KIF3B: variants seen among roughly 807,000 people sequenced by gnomAD.
KIF3B encodes kinesin-like protein KIF3B.
Under a neutral mutation model 74.3 loss-of-function variants are expected in KIF3B, and 38 were observed. That is an observed-to-expected ratio of 0.51 (90% CI 0.39 to 0.67). The LOEUF (loss-of-function observed/expected upper bound fraction) is 0.67. Ranked by LOEUF, KIF3B falls within the 30% of genes least tolerant of loss-of-function variation. The pLI is 0.00. For missense variants in KIF3B, 649 were observed against 932.0 expected (o/e 0.70, Z 3.95); for synonymous variants, 326 against 342.5 (o/e 0.95, Z 0.53).
Position 32,285,797 on chromosome 20 carries a change from C to T in KIF3B, c.-66+8032C>T, listed in dbSNP as rs546688331. On this transcript the variant is annotated intron_variant, in intron 1 of 8. Coordinates refer to ENST00000375712, the MANE Select transcript of KIF3B (RefSeq NM_004798.4). ...ATACTGAGCTTTCTCCCAGACCTTT[C>T]GGGTGTGGCTTTTAGAGCGTATTTC... Among the ~76,000 whole-genome samples, 16 of 152,224 alleles carry T rather than the reference C, an allele frequency of 1.1e-4. No homozygotes were observed. The South Asian group carries it at 1.5e-3, about 14-fold the overall frequency.
intron 1 of KIF3B, 70 bp from the exon 2 acceptor site, chr20:32,309,643 G>C: frequency 1.1e-6 from 1 of 900,188 alleles, no homozygotes; most frequent in South Asian, 1.8e-5. Flanking sequence ...CTATTTAGGT[G>C]TGTCAGCTTC....
chr20:32,289,197 GTTT>G (rs36069389), intron 1 of KIF3B, among the ~76,000 whole-genome samples: 9 of 126,870 alleles, frequency 7.1e-5, no homozygotes, highest in Admixed American at 8.4e-5. Flanking sequence ...TACTGGTCTG[GTTT>G]TTTTTTTTTT....
chr20:32,284,976 A>T (rs551792665), intron 1 of KIF3B, among the ~76,000 whole-genome samples: 2 of 151,778 alleles, frequency 1.3e-5, no homozygotes, highest in African/African-American at 2.4e-5. Flanking sequence ...CTCCAAGTCT[A>T]TTGCTCTTTC....
intron 1 of KIF3B, among the ~76,000 whole-genome samples, chr20:32,294,679 CTG>C (rs2047708422): frequency 6.6e-6 from 1 of 152,174 alleles, no homozygotes; most frequent in African/African-American, 2.4e-5. Context: ...GAAGAAGAAA[CTG>C]TGACTTAGTT....
intron 1 of KIF3B, among the ~76,000 whole-genome samples, chr20:32,281,944 G>A (rs1273164896): frequency 6.6e-6 from 1 of 152,150 alleles, no homozygotes; most frequent in Non-Finnish European, 1.5e-5. Flanking sequence ...GTGGGGAGGT[G>A]GGTGGATGTA....
At chr20:32,284,411 C>T (rs2047658180) in intron 1 of KIF3B, among the ~76,000 whole-genome samples, 1 of 152,166 alleles carries the variant, frequency 6.6e-6, no homozygotes, top group African/African-American at 2.4e-5. Context: ...TGAGCATTTT[C>T]TAGGTGCTGA....
At chr20:32,280,984 T>C (rs1242370839) in intron 1 of KIF3B, among the ~76,000 whole-genome samples, 3 of 152,206 alleles carry the variant, frequency 2.0e-5, no homozygotes, top group Non-Finnish European at 4.4e-5. Context: ...ATCTGTTTTG[T>C]TGTGTCCCTA....
intron 1 of KIF3B, among the ~76,000 whole-genome samples, chr20:32,285,535 AT>A (rs1170376056): frequency 6.6e-6 from 1 of 152,128 alleles, no homozygotes; most frequent in Non-Finnish European, 1.5e-5. Flanking sequence ...CTATGCCATT[AT>A]AGGAAATTTT....
intron 1 of KIF3B, among the ~76,000 whole-genome samples, chr20:32,303,575 AT>A (rs907198544): frequency 6.6e-6 from 1 of 150,530 alleles, no homozygotes; most frequent in African/African-American, 2.4e-5. Flanking sequence ...AAAAAAAAAA[AT>A]GTTAATTTAG....
intron 1 of KIF3B, among the ~76,000 whole-genome samples, chr20:32,292,645 C>T (rs2047698387): frequency 1.3e-5 from 2 of 150,354 alleles, no homozygotes; most frequent in Admixed American, 6.6e-5. Context: ...GTAGTCCCAG[C>T]TACTCTGGAG....
rs59425993 is a variant in KIF3B, at chr20:32,322,699, T to TA, written c.1749-4072_1749-4071insA. ...ATATATTTATATATATTTATATATATTTATATATTTATATATATTTATATT... is the reference window on the plus strand; with the variant it reads ...ATATATTTATATATATTTATATATATATTATATATTTATATATATTTATATT... On this transcript the variant is annotated intron_variant, in intron 5 of 8. Coordinates refer to ENST00000375712, the MANE Select transcript of KIF3B (RefSeq NM_004798.4). Among the ~76,000 whole-genome samples, 2 of 68,406 alleles carry TA rather than the reference T, an allele frequency of 2.9e-5. 1 individual carries two copies. The highest frequency in any genetic ancestry group is 1.7e-4 in the African/African-American group (2 of 12,102). 44.9% of individuals were successfully genotyped at this position (68,406 alleles called of 152,430 possible). A position where few individuals can be genotyped will look rare whatever the true frequency, so the allele number is the denominator to read the frequency against.
chr20:32,322,852 ATT>A (rs1217021908), intron 5 of KIF3B, among the ~76,000 whole-genome samples: 1 of 80,566 alleles, frequency 1.2e-5, no homozygotes, highest in Non-Finnish European at 2.1e-5. Flanking sequence ...ATTTATATAT[ATT>A]TATATATACA....
chr20:32,301,902 C>T (rs1351692097), intron 1 of KIF3B, among the ~76,000 whole-genome samples: 2 of 152,086 alleles, frequency 1.3e-5, no homozygotes, highest in African/African-American at 4.8e-5. Flanking sequence ...GTGTGACTGC[C>T]GTGACAAATG....
chr20:32,308,050 C>T (rs1371425975), intron 1 of KIF3B, among the ~76,000 whole-genome samples: 1 of 151,670 alleles, frequency 6.6e-6, no homozygotes, highest in Non-Finnish European at 1.5e-5. Context: ...GCCTGGCCAA[C>T]ATGGCAAAAC....
intron 1 of KIF3B, among the ~76,000 whole-genome samples, chr20:32,294,697 A>G (rs951307909): frequency 1.3e-5 from 2 of 152,208 alleles, no homozygotes; most frequent in Admixed American, 6.5e-5. Context: ...TAGTTTCTTG[A>G]GATTTTATAG....
chr20:32,284,286 G>T (rs1049195891), intron 1 of KIF3B, among the ~76,000 whole-genome samples: 1 of 152,082 alleles, frequency 6.6e-6, no homozygotes, highest in African/African-American at 2.4e-5. Flanking sequence ...TCTTTCCTGT[G>T]CATTCTCATT....
intron 2 of KIF3B, among the ~76,000 whole-genome samples, chr20:32,314,585 G>A (rs974256170): frequency 6.6e-6 from 1 of 152,050 alleles, no homozygotes; most frequent in African/African-American, 2.4e-5. Flanking sequence ...TGTTAGGTAT[G>A]TATGTGGAGT....
chr20:32,324,540 C>T (rs1328026675), intron 5 of KIF3B, among the ~76,000 whole-genome samples: 1 of 152,122 alleles, frequency 6.6e-6, no homozygotes, highest in East Asian at 1.9e-4. Flanking sequence ...AGATATTTTT[C>T]AAAACTCTGT....
At chr20:32,330,357 G>T in intron 8 of KIF3B, 38 bp downstream of exon 8, 1 of 1,584,544 alleles carries the variant, frequency 6.3e-7, no homozygotes, top group African/African-American at 1.3e-5. Flanking sequence ...AACAGAACAT[G>T]TTTGAACAAG....
Sources: allele counts gnomAD v4.1 joint callset (sites outside exome capture counted in the v4.1 genomes callset), GRCh38; gene constraint gnomAD v4.1.1; transcripts MANE v1.5; gene names NCBI Gene and HGNC (gene_info 2026-07-23, HGNC 2026-07-21).